The following SEM1 variants were observed in gnomAD, a reference collection of about 807,000 sequenced individuals.
SEM1 encodes SEM1 26S proteasome subunit, also known as 26S proteasome complex subunit SEM1.
Under a neutral mutation model 12.7 loss-of-function variants are expected in SEM1, and 3 were observed. That is an observed-to-expected ratio of 0.24 (90% confidence interval 0.11 to 0.61). The LOEUF is 0.61. Ranked by LOEUF, SEM1 falls within the 20% of genes least tolerant of loss-of-function variation. The probability of loss-of-function intolerance (pLI) is 0.88; values close to 1 mark genes in which losing one functional copy is unlikely to be tolerated. For missense variants in SEM1, 59 were observed against 81.3 expected, an observed-to-expected ratio of 0.73 and a Z score of 1.06; for synonymous variants, 30 against 27.8, an observed-to-expected ratio of 1.08 and a Z score of -0.25.
intron 2 of SEM1, among the ~76,000 whole-genome samples, chr7:96,636,153 T>C (rs1461927140): frequency 6.6e-6 from 1 of 152,038 alleles, no homozygotes. Flanking sequence ...ATCAGGTTCC[T>C]ACCATCTGGA....
At chr7:96,709,090 C>G (rs140330883) in intron 1 of SEM1, among the ~76,000 whole-genome samples, 7 of 152,256 alleles carry the variant, frequency 4.6e-5, no homozygotes, top group African/African-American at 1.7e-4. Context: ...GCTGCGATTA[C>G]AGGCGTGAGC....
Position 96,659,778 on chromosome 7 carries a change from T to C in SEM1, c.170+35020A>G, listed in dbSNP as rs116086531. On this transcript the variant is annotated intron_variant, in intron 2 of 2. Transcript: ENST00000417009. ...GGTGATCACTAAAACAGAAATGAAATGAATACTTACAAACTAATAGAGGGA... is the reference window on the plus strand; with the variant it reads ...GGTGATCACTAAAACAGAAATGAAACGAATACTTACAAACTAATAGAGGGA... Among the ~76,000 whole-genome samples, 759 of 151,286 alleles carry C rather than the reference T, an allele frequency of 5.0e-3. 7 individuals are homozygous for C. Among genetic ancestry groups the C allele is most frequent in the African/African-American group, 0.018 (723 of 41,224 alleles).
At chr7:96,535,990 C>T (rs373683505) in intron 2 of SEM1, among the ~76,000 whole-genome samples, 7 of 151,670 alleles carry the variant, frequency 4.6e-5, no homozygotes, top group South Asian at 2.1e-4. Context: ...GTGGGATTTC[C>T]GGGTCAGATG....
intron 2 of SEM1, among the ~76,000 whole-genome samples, chr7:96,512,829 A>T (rs1241482286): frequency 6.6e-6 from 1 of 152,146 alleles, no homozygotes; most frequent in Non-Finnish European, 1.5e-5. Context: ...AGAGTCAGAA[A>T]GGCTGCTCAC....
At position 96,613,312 on chromosome 7, in the gene SEM1, T is replaced by G. The variant is rs569132936; in HGVS notation, c.170+81486A>C. On this transcript the variant is annotated intron_variant and NMD_transcript_variant, in intron 2 of 3. Coordinates refer to the SEM1 transcript ENST00000466986. ...TATAAATGTATCCGTTCATGGATTC[T>G]CTTTTGAGCTCATTGTAACATCTGC... Among the ~76,000 whole-genome samples, 11 of 152,348 alleles carry G rather than the reference T, an allele frequency of 7.2e-5. No individual in the cohort carries two copies. The East Asian group carries it at 1.5e-3, about 21-fold the overall frequency.
At chr7:96,562,152 C>T (rs777654390) in intron 2 of SEM1, among the ~76,000 whole-genome samples, 4 of 152,146 alleles carry the variant, frequency 2.6e-5, no homozygotes, top group African/African-American at 9.7e-5. Flanking sequence ...GGAAAGCCAT[C>T]TTTCTCTTGC....
exon 2 of SEM1, chr7:96,486,415 G>A (rs1350757348): frequency 6.5e-7 from 1 of 1,536,624 alleles, no homozygotes; most frequent in Admixed American, 2.0e-5. Flanking sequence ...AAATGTTGGA[G>A]TCCTATAAGG....
chr7:96,638,636 T>A (rs1234037914), intron 2 of SEM1, among the ~76,000 whole-genome samples: 3 of 151,952 alleles, frequency 2.0e-5, no homozygotes, highest in Non-Finnish European at 4.4e-5. Context: ...TATCTCTTTT[T>A]CACTCAACAA....
rs926265515 is a variant in SEM1, at chr7:96,689,085, C to T, written c.171-119G>A. 1.4e-5 allele frequency: 8 copies of T among 566,296 alleles called. No homozygotes were observed. In the East Asian group the frequency reaches 1.6e-4, roughly 11 times the overall value. The allele number at this position is 566,296 out of a possible 1,614,324, so 35.1% of individuals were successfully genotyped here. A position where few individuals can be genotyped will look rare whatever the true frequency, so the allele number is the denominator to read the frequency against. Reference sequence around the variant, plus strand: ...CCTGAGACATCAATTTACAATACCACTGAATAGTTTTACTTTTGTCTCTGA... The same window carrying T: ...CCTGAGACATCAATTTACAATACCATTGAATAGTTTTACTTTTGTCTCTGA... On this transcript the variant is annotated intron_variant, in intron 2 of 2. Coordinates refer to ENST00000248566, the MANE Select transcript of SEM1 (RefSeq NM_006304.2).
intron 2 of SEM1, among the ~76,000 whole-genome samples, chr7:96,594,224 T>G (rs1806925054): frequency 6.6e-6 from 1 of 152,156 alleles, no homozygotes; most frequent in Non-Finnish European, 1.5e-5. Context: ...ACCAAATGCC[T>G]GCCATTAGAA....
chr7:96,703,429 A>C (rs1187104385), intron 1 of SEM1, among the ~76,000 whole-genome samples: 2 of 152,200 alleles, frequency 1.3e-5, no homozygotes, highest in African/African-American at 4.8e-5. Context: ...TGTACTTTCA[A>C]CTATTCTGTA....
At chr7:96,525,702 A>G (rs1006614967) in intron 2 of SEM1, among the ~76,000 whole-genome samples, 1 of 152,158 alleles carries the variant, frequency 6.6e-6, no homozygotes, top group Admixed American at 6.5e-5. Flanking sequence ...GGGCTGCATA[A>G]CAGGAGGTCA....
chr7:96,525,741 A>G (rs1266978758), intron 2 of SEM1, among the ~76,000 whole-genome samples: 2 of 152,148 alleles, frequency 1.3e-5, no homozygotes, highest in African/African-American at 4.8e-5. Context: ...TTACTGCCTG[A>G]GCTCTACCTC....
At chr7:96,486,335 C>T in exon 2 of SEM1, 3 of 1,537,080 alleles carry the variant, frequency 2.0e-6, no homozygotes, top group Non-Finnish European at 2.6e-6. Context: ...GCTTCTTATG[C>T]TGGGTCTCCT....
chr7:96,486,142 TAG>T (rs1802746038), intron 2 of SEM1: 1 of 1,285,784 alleles, frequency 7.8e-7, no homozygotes, highest in South Asian at 1.3e-5. Flanking sequence ...GTCAAAGACT[TAG>T]AGAGTTAATT....
intron 2 of SEM1, chr7:96,622,721 C>G (rs893885479): frequency 1.4e-6 from 1 of 724,290 alleles, no homozygotes; most frequent in African/African-American, 1.7e-5. Flanking sequence ...ACCATCTGAT[C>G]AGTGGAAAAG....
At chr7:96,598,231 G>C (rs1807066693) in intron 2 of SEM1, among the ~76,000 whole-genome samples, 1 of 152,262 alleles carries the variant, frequency 6.6e-6, no homozygotes, top group African/African-American at 2.4e-5. Flanking sequence ...TGAACTGGTA[G>C]AGTCAGGGAT....
chr7:96,557,387 G>C (rs1805546718), intron 2 of SEM1, among the ~76,000 whole-genome samples: 3 of 135,954 alleles, frequency 2.2e-5, no homozygotes, highest in East Asian at 2.3e-4. Context: ...TGTCCTTTCT[G>C]TTTGTTAGTT....
chr7:96,499,414 A>G (rs1803425642), upstream of SEM1, among the ~76,000 whole-genome samples: 1 of 152,146 alleles, frequency 6.6e-6, no homozygotes, highest in African/African-American at 2.4e-5. Context: ...TATAAGAGCT[A>G]CTTTTCACTC....
Sources: gnomAD v4.1 joint callset for allele counts (sites outside exome capture counted in the v4.1 genomes callset) on GRCh38, gnomAD v4.1.1 for gene constraint, MANE v1.5 for transcripts, NCBI Gene and HGNC (gene_info 2026-07-23, HGNC 2026-07-21) for gene names.